Variants in RPH3A observed in about 807,000 individuals in gnomAD.
The protein encoded by RPH3A is rabphilin 3A.
RPH3A carries 48 observed loss-of-function variants against 102.2 expected under a neutral mutation model. The ratio of observed to expected loss-of-function variants is 0.47; its 90% CI spans 0.37 to 0.60. RPH3A has a LOEUF of 0.60. Among genes scored for constraint, RPH3A ranks in the 20% least tolerant of loss-of-function variants. RPH3A has a pLI of 0.00. For missense variants in RPH3A, 781 were observed against 910.1 expected (o/e 0.86, Z 1.83); for synonymous variants, 310 against 324.3 (o/e 0.96, Z 0.47).
intron 1 of RPH3A, among the ~76,000 whole-genome samples, chr12:112,616,297 C>A (rs1278702435): frequency 6.6e-6 from 1 of 152,152 alleles, no homozygotes; most frequent in African/African-American, 2.4e-5. Flanking sequence ...CAGGCACCTG[C>A]CACCATGCCT....
intron 1 of RPH3A, among the ~76,000 whole-genome samples, chr12:112,780,550 A>C (rs1409603738): frequency 1.3e-5 from 2 of 152,232 alleles, no homozygotes; most frequent in Non-Finnish European, 2.9e-5. Context: ...TATTTCTTCC[A>C]GATAACATTG....
intron 1 of RPH3A, among the ~76,000 whole-genome samples, chr12:112,781,933 G>T (rs1438001553): frequency 6.6e-6 from 1 of 152,242 alleles, no homozygotes; most frequent in African/African-American, 2.4e-5. Context: ...ATATTCCATT[G>T]CTGATAACTA....
rs11066439 is a variant in RPH3A, at chr12:112,873,381, G to T, written c.797-1703G>T. Among the ~76,000 whole-genome samples, 19 of 152,304 alleles carry T rather than the reference G, an allele frequency of 1.2e-4. No homozygotes were observed. The East Asian group carries it at 3.3e-3, about 26-fold the overall frequency. On this transcript the variant is annotated intron_variant, in intron 10 of 21. Transcript: ENST00000389385. The stretch of plus-strand genomic sequence containing the variant: ...ACGTGCAGAGCCAATGCTCCTAGCT[G>T]GTCTGTTACAAGTTCCACTTGAGGG...
chr12:112,734,410 T>C (rs1033643524), intron 1 of RPH3A, among the ~76,000 whole-genome samples: 1 of 152,224 alleles, frequency 6.6e-6, no homozygotes, highest in African/African-American at 2.4e-5. Flanking sequence ...TCTCAGAACA[T>C]ATTCCCATCA....
chr12:112,636,806 C>T (rs1053404116), intron 1 of RPH3A, among the ~76,000 whole-genome samples: 2 of 152,266 alleles, frequency 1.3e-5, no homozygotes, highest in Middle Eastern at 6.8e-3. Context: ...CTTTCACACA[C>T]TCTACTCTAG....
chr12:112,694,632 ACGCGCGCGCG>A (rs752695966), intron 1 of RPH3A, among the ~76,000 whole-genome samples: 4 of 115,082 alleles, frequency 3.5e-5, no homozygotes, highest in African/African-American at 7.3e-5. Context: ...AGACACACGC[ACGCGCGCGCG>A]CGCACACGCA....
intron 1 of RPH3A, among the ~76,000 whole-genome samples, chr12:112,684,314 A>T (rs1175159932): frequency 6.6e-6 from 1 of 152,154 alleles, no homozygotes; most frequent in Non-Finnish European, 1.5e-5. Flanking sequence ...ACTGGAGTGC[A>T]GTGGTACAAT....
chr12:112,767,950 AGGGGCTGTGAGGAGAAT>A (rs2040902777), intron 1 of RPH3A, among the ~76,000 whole-genome samples: 2 of 152,304 alleles, frequency 1.3e-5, no homozygotes, highest in Admixed American at 6.5e-5. Flanking sequence ...AGTGGTTGCC[AGGGGCTGTGAGGAGAAT>A]GGGGAGTCAC....
intron 2 of RPH3A, among the ~76,000 whole-genome samples, chr12:112,798,316 TAG>T (rs2041273834): frequency 6.6e-6 from 1 of 152,218 alleles, no homozygotes; most frequent in Non-Finnish European, 1.5e-5. Flanking sequence ...AGGATTTATT[TAG>T]AGAGCGAGGG....
rs1566255385 is a variant in RPH3A, at chr12:112,678,318, A to AGAGAGAGAGAGAGAGAG, written c.-140+102999_-140+103000insGAGAGAGAGAGAGAGAG. On this transcript the variant is annotated intron_variant, in intron 1 of 21. Transcript: ENST00000543106. ...GAAAGAAAGAAAGAGAGAGAGAGAGAAAGAAAGAAAGAAGGAAGGAAGGAA... is the reference window on the plus strand; with the variant it reads ...GAAAGAAAGAAAGAGAGAGAGAGAGAGAGAGAGAGAGAGAGAGAAGAAAGAAAGAAGGAAGGAAGGAA... 1.1e-4 allele frequency among the ~76,000 whole-genome samples: 14 copies of AGAGAGAGAGAGAGAGAG among 122,546 alleles called. 1 individual carries two copies. Among genetic ancestry groups the AGAGAGAGAGAGAGAGAG allele is most frequent in the South Asian group, 5.0e-4 (2 of 3,966 alleles). 80.4% of individuals were successfully genotyped at this position (122,546 alleles called of 152,430 possible).
At chr12:112,614,936 T>G (rs1266279104) in intron 1 of RPH3A, among the ~76,000 whole-genome samples, 3 of 151,988 alleles carry the variant, frequency 2.0e-5, no homozygotes, top group South Asian at 4.2e-4. Flanking sequence ...AGGGAGCTTC[T>G]GTGGCTGGCT....
chr12:112,685,600 G>T (rs1049655123), intron 1 of RPH3A, among the ~76,000 whole-genome samples: 4 of 152,124 alleles, frequency 2.6e-5, no homozygotes, highest in African/African-American at 9.7e-5. Flanking sequence ...CCTTTTAAGG[G>T]TCGTCTAGTC....
At chr12:112,691,676 T>C (rs1344510347) in intron 1 of RPH3A, among the ~76,000 whole-genome samples, 1 of 152,210 alleles carries the variant, frequency 6.6e-6, no homozygotes, top group East Asian at 1.9e-4. Context: ...ACCTGCAAAA[T>C]GAGAATAACT....
At chr12:112,655,561 G>GTTTTTT (rs1181500429) in intron 1 of RPH3A, among the ~76,000 whole-genome samples, 1 of 94,862 alleles carries the variant, frequency 1.1e-5, no homozygotes, top group Admixed American at 1.2e-4. Flanking sequence ...ATTTTTGTTG[G>GTTTTTT]TCTTTTTTTT....
At chr12:112,877,452 A>T (rs2042826838) in intron 13 of RPH3A, among the ~76,000 whole-genome samples, 1 of 151,176 alleles carries the variant, frequency 6.6e-6, no homozygotes, top group Admixed American at 6.6e-5. Flanking sequence ...ACACACACAC[A>T]CACACACCAG....
chr12:112,606,835 G>T (rs759518314), intron 1 of RPH3A, among the ~76,000 whole-genome samples: 4 of 152,070 alleles, frequency 2.6e-5, no homozygotes, highest in Non-Finnish European at 5.9e-5. Context: ...ACAGCAAGGG[G>T]GAGCTCCACC....
chr12:112,720,972 C>T (rs1179646336), intron 1 of RPH3A, among the ~76,000 whole-genome samples: 2 of 152,104 alleles, frequency 1.3e-5, no homozygotes, highest in African/African-American at 2.4e-5. Context: ...TGGATTTAAA[C>T]CTTTGCTCCT....
At chr12:112,697,109 G>A (rs2040358235) in intron 1 of RPH3A, among the ~76,000 whole-genome samples, 3 of 151,950 alleles carry the variant, frequency 2.0e-5, no homozygotes, top group African/African-American at 2.4e-5. Flanking sequence ...GCCACTTCTG[G>A]TCAGGATTTG....
intron 1 of RPH3A, among the ~76,000 whole-genome samples, chr12:112,768,369 A>G (rs1250244729): frequency 1.3e-5 from 2 of 152,088 alleles, no homozygotes; most frequent in Admixed American, 6.6e-5. Context: ...TGCACTCTAC[A>G]CCACCTGGCT....
Sources: allele counts gnomAD v4.1 joint callset (sites outside exome capture counted in the v4.1 genomes callset), GRCh38; gene constraint gnomAD v4.1.1; transcripts MANE v1.5; gene names NCBI Gene and HGNC (gene_info 2026-07-23, HGNC 2026-07-21).